KIR2DL1: variants seen among roughly 807,000 people sequenced by gnomAD.
KIR2DL1 encodes killer cell immunoglobulin like receptor, two Ig domains and long cytoplasmic tail 1.
In KIR2DL1, 38 loss-of-function variants were observed where a neutral mutation model predicts 33.9. The observed-to-expected ratio is 1.12, with a 90% CI of 0.86 to 1.47. KIR2DL1 has a LOEUF of 1.47. Among genes scored for constraint, KIR2DL1 ranks in the 40% most tolerant of loss-of-function variants. KIR2DL1 has a pLI of 0.00. For missense variants in KIR2DL1, 531 were observed against 433.9 expected, an observed-to-expected ratio of 1.22 and a Z score of -1.99; for synonymous variants, 179 against 165.9, an observed-to-expected ratio of 1.08 and a Z score of -0.61.
chr19:54,779,564 C>G (rs2076731396), intron 5 of KIR2DL1, among the ~76,000 whole-genome samples: 1 of 146,272 alleles, frequency 6.8e-6, no homozygotes, highest in Admixed American at 7.0e-5. Flanking sequence ...TTGGGTTCAC[C>G]AAGATGAAAA....
chr19:54,772,352 G>T (rs2075829757), intron 2 of KIR2DL1, among the ~76,000 whole-genome samples: 1 of 147,572 alleles, frequency 6.8e-6, no homozygotes, highest in Admixed American at 6.9e-5. Flanking sequence ...TCAAGGAACT[G>T]ATTCTCCTGA....
At position 54,770,967 on chromosome 19, in the gene KIR2DL1, GTC is replaced by G; in HGVS notation, c.70+88_70+89del. ...AATGGGAGGGAAGTCCTGTCAGGGA[GTC>G]TCTCATAAACTAGGAAGAAGGGACC... is the stretch of plus-strand genomic sequence containing the variant. On this transcript the variant is annotated intron_variant, in intron 2 of 7. Transcript: ENST00000336077. 3 of 1,535,424 alleles carry G rather than the reference GTC, an allele frequency of 2.0e-6. 1 individual carries two copies. Among genetic ancestry groups the G allele is most frequent in the Non-Finnish European group, 2.7e-6 (3 of 1,115,026 alleles).
intron 1 of KIR2DL1, among the ~76,000 whole-genome samples, chr19:54,770,151 C>A (rs2075494774): frequency 7.1e-6 from 1 of 141,554 alleles, no homozygotes; most frequent in Non-Finnish European, 1.6e-5. Flanking sequence ...GAGATAGGAA[C>A]CTGGAGGGGA....
chr19:54,773,689 G>A, intron 3 of KIR2DL1, 57 bp downstream of exon 3: 1 of 1,466,226 alleles, frequency 6.8e-7, no homozygotes, highest in South Asian at 1.1e-5. Flanking sequence ...GAATGATCCA[G>A]GAATTGGAGA....
Position 54,781,166 on chromosome 19 carries a change from G to A in KIR2DL1, c.716-1756G>A, listed in dbSNP as rs1218851895. Among the ~76,000 whole-genome samples the A allele has an allele frequency of 4.6e-4, 44 of 94,954 alleles. 1 individual carries two copies. The highest frequency in any genetic ancestry group is 6.4e-5 in the Non-Finnish European group (3 of 47,018). 62.3% of individuals were successfully genotyped at this position (94,954 alleles called of 152,430 possible). A position where few individuals can be genotyped will look rare whatever the true frequency, so the allele number is the denominator to read the frequency against. On this transcript the variant is annotated intron_variant, in intron 5 of 7. Coordinates refer to ENST00000336077, the MANE Select transcript of KIR2DL1 (RefSeq NM_014218.3). ...CACTCCAGCCTGGGGGACACAAGGA[G>A]ACTCTATCTCAAAAAATAAAAATAA...
chr19:54,778,626 A>C lies in KIR2DL1; in HGVS notation c.679A>C (p.Ser227Arg), dbSNP rs1011822664. ...LVSVTGNPSN[S>R]WPSPTEPSSK... is the part of the protein sequence containing the mutation. Reference sequence around the variant, plus strand: ...TCATGTTCTAGGAAACCCTTCAAATAGTTGGCCTTCACCCACTGAACCAAG... The same window carrying C: ...TCATGTTCTAGGAAACCCTTCAAATCGTTGGCCTTCACCCACTGAACCAAG... The change falls in exon 5 of 8, where the codon AGT (serine) becomes CGT (arginine). Residue 227 changes from serine (S) to arginine (R), a missense_variant. Ser to Arg is a moderately radical substitution (Grantham distance 110). Coordinates refer to ENST00000336077, the MANE Select transcript of KIR2DL1 (RefSeq NM_014218.3). 6 of 1,570,482 alleles carry C rather than the reference A, an allele frequency of 3.8e-6. No homozygotes were observed. In the African/African-American group the frequency reaches 6.9e-5, roughly 18 times the overall value.
Position 54,783,969 on chromosome 19 carries a change from C to T in KIR2DL1, c.*156C>T, listed in dbSNP as rs2077386965. 4.2e-6 allele frequency: 5 copies of T among 1,179,762 alleles called. No homozygotes were observed. In the African/African-American group the frequency reaches 4.6e-5, roughly 11 times the overall value. The allele number at this position is 1,179,762 out of a possible 1,614,324, so 73.1% of individuals were successfully genotyped here. A position where few individuals can be genotyped will look rare whatever the true frequency, so the allele number is the denominator to read the frequency against. On this transcript the variant is annotated 3_prime_UTR_variant, in exon 8 of 8. Transcript: ENST00000336077. ...CCTCACACCACAAATCTGAATGTGC[C>T]TCTCTCTTGCTTACAAATGTCTAAG...
intron 3 of KIR2DL1, among the ~76,000 whole-genome samples, chr19:54,773,876 GAC>G (rs1278022212): frequency 2.7e-5 from 4 of 147,902 alleles, no homozygotes; most frequent in African/African-American, 7.4e-5. Flanking sequence ...AGTTAAAGGA[GAC>G]ACACAGACAG....
chr19:54,777,671 T>A (rs200447547), intron 4 of KIR2DL1, among the ~76,000 whole-genome samples: 8,401 of 111,922 alleles, frequency 0.075, 18 homozygotes, highest in South Asian at 0.16. Context: ...GTTGCTTAGT[T>A]TGAGGTAATC....
At position 54,783,943 on chromosome 19, in the gene KIR2DL1, T is replaced by C; in HGVS notation, c.*130T>C. ...AGTCTGCATCTTAGGGCATCGATCT[T>C]CCTCACACCACAAATCTGAATGTGC... On this transcript the variant is annotated 3_prime_UTR_variant, in exon 8 of 8. Transcript: ENST00000336077. 3.8e-6 allele frequency: 5 copies of C among 1,302,424 alleles called. No individual in the cohort carries two copies. The highest frequency in any genetic ancestry group is 1.2e-5 in the South Asian group (1 of 83,698). The allele number at this position is 1,302,424 out of a possible 1,614,324, so 80.7% of individuals were successfully genotyped here.
intron 4 of KIR2DL1, among the ~76,000 whole-genome samples, chr19:54,776,894 A>G (rs10429644): frequency 2.2e-4 from 33 of 147,074 alleles, no homozygotes; most frequent in South Asian, 6.4e-4. Flanking sequence ...TGCCCGCCTC[A>G]GTCTCCCAAA....
Position 54,783,658 on chromosome 19 carries a change from C to T in KIR2DL1, c.892C>T (p.Gln298Ter). ...CCAGGACTCTGATGAACAAGACCCT[C>T]AGGAGGTGACATACACACAGTTGAA... ...NSEDSDEQDP[Q>*]EVTYTQLNHC... is the part of the protein sequence containing the mutation. Residue 298 changes from glutamine to a stop codon, truncating the protein, a stop_gained, in exon 8 of 8, where the codon CAG becomes TAG. Coordinates refer to ENST00000336077, the MANE Select transcript of KIR2DL1 (RefSeq NM_014218.3). LOFTEE classifies it low-confidence loss of function (END_TRUNC). The T allele has an allele frequency of 6.2e-7, 1 of 1,614,026 alleles. No homozygotes were observed. Among genetic ancestry groups the T allele is most frequent in the South Asian group, 1.1e-5 (1 of 91,074 alleles).
chr19:54,781,074 G>A (rs2147603402), intron 5 of KIR2DL1, among the ~76,000 whole-genome samples: 1 of 94,136 alleles, frequency 1.1e-5, no homozygotes, highest in African/African-American at 4.3e-5. Flanking sequence ...CTATTCTGGA[G>A]GATGAAGCAG....
At chr19:54,774,884 T>C (rs1338951269) in intron 3 of KIR2DL1, among the ~76,000 whole-genome samples, 2 of 147,888 alleles carry the variant, frequency 1.4e-5, no homozygotes, top group Non-Finnish European at 3.0e-5. Context: ...AACTCAGAAT[T>C]AAAAAAAGTA....
rs373805813 is a variant in KIR2DL1 at position 54,783,529 on chromosome 19, G to A, written c.861G>A (p.Ala287=). ...MDQESAGNRT[A]NSEDSDEQDP... is the part of the protein sequence containing the mutation. ...AAGAGTCTGCAGGAAACAGAACAGC[G>A]AATAGCGAGGTAGGTACTCCTCGGC... The change falls in exon 7 of 8, where the codon GCG becomes GCA. Residue 287 remains alanine, a synonymous_variant. Transcript: ENST00000336077. 101 of 1,613,794 alleles carry A rather than the reference G, an allele frequency of 6.3e-5. No individual in the cohort carries two copies. The South Asian group carries it at 6.4e-4, about 10-fold the overall frequency.
rs1221185131 is a variant in KIR2DL1, at chr19:54,782,778, A to G, written c.716-144A>G. On this transcript the variant is annotated intron_variant, in intron 5 of 7. Transcript: ENST00000336077. ...CTATGAGAGCTATAACAGAAAAAGC[A>G]GGAGAAAGCTGGGTCTCCTGCCATC... The G allele has an allele frequency of 1.2e-5, 10 of 814,096 alleles. No individual in the cohort carries two copies. The Admixed American group carries it at 2.1e-4, about 17-fold the overall frequency. The allele number at this position is 814,096 out of a possible 1,614,324, so 50.4% of individuals were successfully genotyped here. A position where few individuals can be genotyped will look rare whatever the true frequency, so the allele number is the denominator to read the frequency against.
At chr19:54,778,725 A>T in intron 5 of KIR2DL1, 63 bp downstream of exon 5, 1 of 1,385,744 alleles carries the variant, frequency 7.2e-7, no homozygotes, top group South Asian at 1.3e-5. Context: ...CCTTGGATTC[A>T]GGCGTTGACT....
intron 2 of KIR2DL1, among the ~76,000 whole-genome samples, chr19:54,772,766 G>A (rs1243594128): frequency 2.8e-5 from 4 of 144,252 alleles, no homozygotes; most frequent in African/African-American, 7.6e-5. Flanking sequence ...ACTGAGATCA[G>A]CAAGGCTCAG....
At chr19:54,771,327 A>G (rs2147415712) in intron 2 of KIR2DL1, among the ~76,000 whole-genome samples, 2 of 148,590 alleles carry the variant, frequency 1.3e-5, no homozygotes, top group South Asian at 4.2e-4. Context: ...CTCAAAGGAC[A>G]TGCCCTCCAC....
Sources: allele counts gnomAD v4.1 joint callset (sites outside exome capture counted in the v4.1 genomes callset), GRCh38; gene constraint gnomAD v4.1.1; transcripts MANE v1.5; gene names NCBI Gene and HGNC (gene_info 2026-07-23, HGNC 2026-07-21).